Variants in TCF7L2 observed in about 807,000 individuals in gnomAD.
TCF7L2 encodes transcription factor 7 like 2, also known as transcription factor 7-like 2.
A neutral mutation model predicts 77.9 loss-of-function variants in TCF7L2; 23 were observed. The ratio of observed to expected loss-of-function variants is 0.30; its 90% CI spans 0.21 to 0.42. The LOEUF is 0.42. Among genes scored for constraint, TCF7L2 ranks in the 10% least tolerant of loss-of-function variants. The pLI is 1.00. For synonymous variants in TCF7L2, 413 were observed against 340.2 expected, an observed-to-expected ratio of 1.21 and a Z score of -2.36; for missense variants, 654 against 793.1, an observed-to-expected ratio of 0.82 and a Z score of 2.11.
chr10:113,159,999 A>G lies in TCF7L2; in HGVS notation c.1319-620A>G. On this transcript the variant is annotated intron_variant, in intron 12 of 13. Transcript: ENST00000627217. Reference sequence around the variant, plus strand: ...ACTGGTGCGGCCCTTGCAGGTGTGTATAGTTTTCCAGATTCGCTGTGCTGG... The same window carrying G: ...ACTGGTGCGGCCCTTGCAGGTGTGTGTAGTTTTCCAGATTCGCTGTGCTGG... 1 of 1,613,496 alleles carries G rather than the reference A, an allele frequency of 6.2e-7. No individual in the cohort carries two copies. The highest frequency in any genetic ancestry group is 8.5e-7 in the Non-Finnish European group (1 of 1,179,724).
chr10:113,149,317 T>G (rs139563809), intron 8 of TCF7L2, among the ~76,000 whole-genome samples: 1 of 152,228 alleles, frequency 6.6e-6, no homozygotes, highest in African/African-American at 2.4e-5. Flanking sequence ...TCCTTCTCTC[T>G]CTCTTTTTTT....
chr10:113,016,673 G>T (rs1000461382), intron 4 of TCF7L2, among the ~76,000 whole-genome samples: 2 of 152,066 alleles, frequency 1.3e-5, no homozygotes, highest in Non-Finnish European at 2.9e-5. Context: ...TCAGCTGCTG[G>T]AGAGTTGTTT....
rs200066265 is a variant in TCF7L2, at chr10:113,166,993, G to A, written c.*1021G>A. ...CTGAGCAGCAGTGGGAACCATCTTCGTTTCCCCTTTGAACTCCCAGTGGGA... is the reference window on the plus strand; with the variant it reads ...CTGAGCAGCAGTGGGAACCATCTTCATTTCCCCTTTGAACTCCCAGTGGGA... On this transcript the variant is annotated 3_prime_UTR_variant, in exon 14 of 14. Coordinates refer to ENST00000627217, the MANE Select transcript of TCF7L2 (RefSeq NM_001146274.2). The A allele has an allele frequency of 3.5e-4, 82 of 231,188 alleles. No individual in the cohort carries two copies. The East Asian group carries it at 4.1e-3, about 12-fold the overall frequency. The allele number at this position is 231,188 out of a possible 1,614,324, so 14.3% of individuals were successfully genotyped here.
intron 4 of TCF7L2, among the ~76,000 whole-genome samples, chr10:112,998,795 G>C (rs1464618794): frequency 6.6e-6 from 1 of 152,162 alleles, no homozygotes; most frequent in Non-Finnish European, 1.5e-5. Flanking sequence ...TTTTGTGTTT[G>C]CTGACTGGCA....
chr10:113,069,233 CTT>C (rs542054630), intron 5 of TCF7L2, among the ~76,000 whole-genome samples: 11 of 139,344 alleles, frequency 7.9e-5, no homozygotes, highest in Admixed American at 1.4e-4. Context: ...AACTCATATT[CTT>C]TTTTTTTTTT....
intron 4 of TCF7L2, among the ~76,000 whole-genome samples, chr10:112,971,244 C>T (rs550956731): frequency 2.6e-5 from 4 of 152,240 alleles, no homozygotes; most frequent in East Asian, 3.9e-4. Context: ...ATAAACACCC[C>T]GTTCCCAAAC....
intron 5 of TCF7L2, among the ~76,000 whole-genome samples, chr10:113,046,511 T>C (rs2053490255): frequency 6.6e-6 from 1 of 152,176 alleles, no homozygotes; most frequent in Non-Finnish European, 1.5e-5. Context: ...TTAATTCATG[T>C]TTTGCTGTTA....
At chr10:113,150,965 T>G in intron 8 of TCF7L2, 33 bp from the exon 9 acceptor site, 1 of 1,613,726 alleles carries the variant, frequency 6.2e-7, no homozygotes, top group Non-Finnish European at 8.5e-7. Context: ...TTCATTTTGA[T>G]TCTGACGATT....
chr10:113,103,017 C>T (rs535030598), intron 5 of TCF7L2, among the ~76,000 whole-genome samples: 3 of 152,212 alleles, frequency 2.0e-5, no homozygotes, highest in Non-Finnish European at 2.9e-5. Context: ...TATATTAACT[C>T]ATTTAATCTG....
At chr10:113,109,363 T>C (rs1327891704) in intron 5 of TCF7L2, among the ~76,000 whole-genome samples, 1 of 152,142 alleles carries the variant, frequency 6.6e-6, no homozygotes, top group Non-Finnish European at 1.5e-5. Context: ...AGTAAGGGTG[T>C]GGGATTTATT....
intron 4 of TCF7L2, among the ~76,000 whole-genome samples, chr10:112,967,664 C>T (rs1347907707): frequency 1.5e-5 from 2 of 137,086 alleles, no homozygotes; most frequent in African/African-American, 2.9e-5. Context: ...GACGGAGTTT[C>T]GCTCTTTGTT....
chr10:112,991,997 T>A (rs1369979631), intron 4 of TCF7L2, among the ~76,000 whole-genome samples: 1 of 152,192 alleles, frequency 6.6e-6, no homozygotes, highest in African/African-American at 2.4e-5. Flanking sequence ...ATGGGCTGGC[T>A]TTTCTATTTA....
chr10:113,015,797 T>C (rs2047240301), intron 4 of TCF7L2, among the ~76,000 whole-genome samples: 1 of 152,132 alleles, frequency 6.6e-6, no homozygotes, highest in African/African-American at 2.4e-5. Context: ...GCTCAATTGA[T>C]TTTCTTTATT....
chr10:113,064,736 G>C (rs988629651), intron 5 of TCF7L2, among the ~76,000 whole-genome samples: 1 of 152,196 alleles, frequency 6.6e-6, no homozygotes, highest in Admixed American at 6.5e-5. Flanking sequence ...TACCACGGAT[G>C]CTTCAGCCGG....
At chr10:113,036,242 T>C (rs1590818961) in intron 4 of TCF7L2, among the ~76,000 whole-genome samples, 2 of 152,142 alleles carry the variant, frequency 1.3e-5, no homozygotes, top group East Asian at 3.9e-4. Context: ...GGGCAGGTTC[T>C]TGGAGCAGCC....
intron 3 of TCF7L2, among the ~76,000 whole-genome samples, chr10:112,954,675 A>G (rs1334319280): frequency 6.6e-6 from 1 of 152,242 alleles, no homozygotes; most frequent in Non-Finnish European, 1.5e-5. Context: ...ACTGTAACCT[A>G]TTAAAGTTGA....
intron 4 of TCF7L2, among the ~76,000 whole-genome samples, chr10:113,007,131 G>A (rs1432213623): frequency 6.6e-6 from 1 of 152,234 alleles, no homozygotes; most frequent in Non-Finnish European, 1.5e-5. Context: ...GCCCAAGTTT[G>A]TTGGATGATT....
chr10:113,067,043 C>T (rs2057351764), intron 5 of TCF7L2, among the ~76,000 whole-genome samples: 1 of 152,216 alleles, frequency 6.6e-6, no homozygotes, highest in Non-Finnish European at 1.5e-5. Context: ...TGGGCAACTG[C>T]ACATTAACCT....
chr10:113,139,446 C>T (rs2067948651), intron 5 of TCF7L2, among the ~76,000 whole-genome samples: 1 of 152,180 alleles, frequency 6.6e-6, no homozygotes, highest in South Asian at 2.1e-4. Context: ...ATGGCCTGCC[C>T]CGCCCTTCAT....
Sources: allele counts gnomAD v4.1 joint callset (sites outside exome capture counted in the v4.1 genomes callset), GRCh38; gene constraint gnomAD v4.1.1; transcripts MANE v1.5; gene names NCBI Gene and HGNC (gene_info 2026-07-23, HGNC 2026-07-21).